The following PRKAA1 variants were observed in gnomAD, a reference collection of about 807,000 sequenced individuals.
PRKAA1 encodes 5'-AMP-activated protein kinase catalytic subunit alpha-1.
A neutral mutation model predicts 56.9 loss-of-function variants in PRKAA1; 23 were observed. The ratio of observed to expected loss-of-function variants is 0.40; its 90% CI spans 0.29 to 0.57. The LOEUF is 0.57. Among genes scored for constraint, PRKAA1 ranks in the 20% least tolerant of loss-of-function variants. The probability of loss-of-function intolerance (pLI) is 0.39; values close to 1 mark genes in which losing one functional copy is unlikely to be tolerated. For synonymous variants in PRKAA1, 226 were observed against 227.0 expected (o/e 1.00, Z 0.04); for missense variants, 413 against 679.7 (o/e 0.61, Z 4.36).
chr5:40,767,245 T>C (rs757446856), intron 6 of PRKAA1, among the ~76,000 whole-genome samples: 2 of 152,170 alleles, frequency 1.3e-5, no homozygotes, highest in African/African-American at 4.8e-5. Flanking sequence ...GATGTGTAAG[T>C]AAAAAGTGAA....
intron 3 of PRKAA1, 54 bp from the exon 4 acceptor site, chr5:40,771,917 C>A (rs2112015959): frequency 6.4e-7 from 1 of 1,569,142 alleles, no homozygotes; most frequent in East Asian, 2.2e-5. Flanking sequence ...GTAAATTGTC[C>A]TATCTATAAT....
chr5:40,797,343 GAACT>G (rs1180826477), intron 1 of PRKAA1, among the ~76,000 whole-genome samples: 1 of 152,202 alleles, frequency 6.6e-6, no homozygotes, highest in East Asian at 1.9e-4. Context: ...GGCAACATCT[GAACT>G]AACAACGAAG....
intron 1 of PRKAA1, among the ~76,000 whole-genome samples, chr5:40,782,172 C>G (rs1447023788): frequency 6.6e-6 from 1 of 152,050 alleles, no homozygotes; most frequent in Non-Finnish European, 1.5e-5. Flanking sequence ...CAATTTGGGC[C>G]TGAACTCCCA....
intron 4 of PRKAA1, among the ~76,000 whole-genome samples, chr5:40,770,646 C>T (rs1478338129): frequency 2.0e-5 from 3 of 147,366 alleles, no homozygotes; most frequent in Non-Finnish European, 3.0e-5. Context: ...TCGCCCAGGC[C>T]GGACAGGCGA....
intron 3 of PRKAA1, chr5:40,774,925 T>C (rs779033437): frequency 1.2e-5 from 19 of 1,591,638 alleles, no homozygotes; most frequent in Non-Finnish European, 1.6e-5. Flanking sequence ...ATCTAATTCC[T>C]ACCTCCTTCG....
chr5:40,768,595 T>G, intron 5 of PRKAA1: 1 of 1,048,022 alleles, frequency 9.5e-7, no homozygotes, highest in Non-Finnish European at 1.1e-6. Context: ...CACAGCCATA[T>G]TTTTACACAA....
chr5:40,771,084 T>C (rs932197645), intron 4 of PRKAA1, among the ~76,000 whole-genome samples: 1 of 152,192 alleles, frequency 6.6e-6, no homozygotes, highest in Non-Finnish European at 1.5e-5. Flanking sequence ...TCACTTTCCT[T>C]CTTCTCCATA....
chr5:40,786,081 T>C (rs171606), intron 1 of PRKAA1, among the ~76,000 whole-genome samples: 105,585 of 151,906 alleles, frequency 0.7, 36,775 homozygotes, highest in East Asian at 0.8. Context: ...ATGGCGAAAC[T>C]CCATCTCTAC....
intron 4 of PRKAA1, among the ~76,000 whole-genome samples, chr5:40,771,462 G>A (rs1195593157): frequency 6.6e-6 from 1 of 152,156 alleles, no homozygotes; most frequent in Non-Finnish European, 1.5e-5. Flanking sequence ...TGATCACGTC[G>A]CTGCCCTCCA....
At chr5:40,763,675 G>A (rs1202790477) in intron 8 of PRKAA1, among the ~76,000 whole-genome samples, 1 of 152,130 alleles carries the variant, frequency 6.6e-6, no homozygotes, top group Non-Finnish European at 1.5e-5. Context: ...GTAAATCTAA[G>A]GTTGCAAATT....
At chr5:40,765,530 C>G (rs1743388446) in intron 6 of PRKAA1, among the ~76,000 whole-genome samples, 1 of 152,048 alleles carries the variant, frequency 6.6e-6, no homozygotes, top group African/African-American at 2.4e-5. Context: ...CAGCTTATTT[C>G]CAGCTTAGAA....
chr5:40,769,021 A>C (rs1386069785), intron 5 of PRKAA1: 4 of 996,134 alleles, frequency 4.0e-6, no homozygotes, highest in Non-Finnish European at 5.9e-6. Flanking sequence ...TTTTATCATG[A>C]AACATAAAGG....
At chr5:40,766,162 T>A (rs1356646146) in intron 6 of PRKAA1, among the ~76,000 whole-genome samples, 1 of 152,198 alleles carries the variant, frequency 6.6e-6, no homozygotes, top group African/African-American at 2.4e-5. Flanking sequence ...GTCCTTTCCC[T>A]TTGGTGATAA....
chr5:40,775,206 G>A (rs566182263), intron 3 of PRKAA1, among the ~76,000 whole-genome samples: 1 of 152,308 alleles, frequency 6.6e-6, no homozygotes, highest in Admixed American at 6.5e-5. Flanking sequence ...GCGAGGCTCA[G>A]TATCCACATC....
intron 1 of PRKAA1, among the ~76,000 whole-genome samples, chr5:40,781,552 T>C (rs1744267453): frequency 6.6e-6 from 1 of 152,118 alleles, no homozygotes; most frequent in Non-Finnish European, 1.5e-5. Flanking sequence ...GAATCCAAGA[T>C]AGTTATTTCT....
intron 2 of PRKAA1, 130 bp downstream of exon 2, chr5:40,777,315 G>T: frequency 1.9e-6 from 2 of 1,067,840 alleles, no homozygotes; most frequent in East Asian, 2.6e-5. Context: ...ACACAGCCTA[G>T]GAAGAAACTT....
At chr5:40,793,313 C>T (rs1744793104) in intron 1 of PRKAA1, among the ~76,000 whole-genome samples, 1 of 152,056 alleles carries the variant, frequency 6.6e-6, no homozygotes, top group Admixed American at 6.5e-5. Context: ...AAAAAGATGC[C>T]TTGGAAACAA....
At position 40,761,406 on chromosome 5, in the gene PRKAA1, AG is replaced by A. The variant is rs1345684352; in HGVS notation, c.*1371del. 10 of 152,164 alleles carry A rather than the reference AG, an allele frequency of 6.6e-5. No individual in the cohort carries two copies. Among genetic ancestry groups the A allele is most frequent in the African/African-American group, 2.2e-4 (9 of 41,446 alleles). The allele number at this position is 152,164 out of a possible 1,614,324, so 9.4% of individuals were successfully genotyped here. On this transcript the variant is annotated 3_prime_UTR_variant, in exon 9 of 9. Coordinates refer to ENST00000397128, the MANE Select transcript of PRKAA1 (RefSeq NM_006251.6). ...TATGTCTGTAACATCCAAATGGTTC[AG>A]GGGGAAAAAAGCATATATACATACA...
Position 40,762,017 on chromosome 5 carries a change from T to C in PRKAA1, c.*761A>G, listed in dbSNP as rs970319821. ...GGCCGGGTGCGGTGGCTCACGCCTG[T>C]AATCCCACCACTTTGGGAAGCTGAG... On this transcript the variant is annotated 3_prime_UTR_variant, in exon 9 of 9. Transcript: ENST00000397128. 6.6e-6 allele frequency: 1 copy of C among 152,348 alleles called. No homozygotes were observed. The highest frequency in any genetic ancestry group is 2.4e-5 in the African/African-American group (1 of 41,454). 9.4% of individuals were successfully genotyped at this position (152,348 alleles called of 1,614,324 possible). A position where few individuals can be genotyped will look rare whatever the true frequency, so the allele number is the denominator to read the frequency against.
Sources: allele counts gnomAD v4.1 joint callset (sites outside exome capture counted in the v4.1 genomes callset), GRCh38; gene constraint gnomAD v4.1.1; transcripts MANE v1.5; gene names NCBI Gene and HGNC (gene_info 2026-07-23, HGNC 2026-07-21).